Variants in SEMA3A observed in about 807,000 individuals in gnomAD.
The protein encoded by SEMA3A is semaphorin-3A.
Under a neutral mutation model 97.9 loss-of-function variants are expected in SEMA3A, and 29 were observed. The observed-to-expected ratio is 0.30, with a 90% CI of 0.22 to 0.40. SEMA3A has a LOEUF of 0.40. SEMA3A is among the 10% of genes least tolerant of loss of function. SEMA3A has a pLI of 1.00. For missense variants in SEMA3A, 763 were observed against 951.3 expected, an observed-to-expected ratio of 0.80 and a Z score of 2.60; for synonymous variants, 321 against 323.7, an observed-to-expected ratio of 0.99 and a Z score of 0.09.
chr7:83,985,486 G>A lies in SEMA3A; in HGVS notation c.1453-9C>T, dbSNP rs1584506626. ...GAAATAGCAGTCGGTTCCTAAAGGA[G>A]AAAAAGAAATATGTGAGGTGTTTGG... On this transcript the variant is annotated splice_polypyrimidine_tract_variant and intron_variant, in intron 12 of 16. Transcript: ENST00000265362. The A allele has an allele frequency of 1.7e-6, 2 of 1,165,762 alleles. No individual in the cohort carries two copies. The highest frequency in any genetic ancestry group is 2.5e-6 in the Non-Finnish European group (2 of 806,904). The allele number at this position is 1,165,762 out of a possible 1,614,324, so 72.2% of individuals were successfully genotyped here.
At chr7:84,482,945 C>T (rs923985698) in intron 1 of SEMA3A, among the ~76,000 whole-genome samples, 14 of 148,106 alleles carry the variant, frequency 9.5e-5, no homozygotes, top group African/African-American at 3.5e-4. Flanking sequence ...GTTTAATTAA[C>T]AAATCTAATC....
At chr7:83,980,734 T>A (rs1789381264) in intron 14 of SEMA3A, among the ~76,000 whole-genome samples, 1 of 150,784 alleles carries the variant, frequency 6.6e-6, no homozygotes, top group Non-Finnish European at 1.5e-5. Context: ...TTTTACTACA[T>A]GGTTTTATGT....
chr7:84,063,064 G>A (rs980431324), intron 4 of SEMA3A, among the ~76,000 whole-genome samples: 3 of 151,900 alleles, frequency 2.0e-5, no homozygotes, highest in Admixed American at 6.6e-5. Context: ...GCACGCCGCT[G>A]GAGATCTGAG....
chr7:84,116,809 C>A (rs1795447481), intron 3 of SEMA3A, among the ~76,000 whole-genome samples: 1 of 152,198 alleles, frequency 6.6e-6, no homozygotes, highest in Non-Finnish European at 1.5e-5. Context: ...ACTTGGACTT[C>A]TGGCCTCCAG....
At chr7:84,012,002 C>T (rs1320196396) in intron 7 of SEMA3A, among the ~76,000 whole-genome samples, 2 of 150,810 alleles carry the variant, frequency 1.3e-5, no homozygotes, top group East Asian at 1.9e-4. Flanking sequence ...ACAAATACCT[C>T]GTGACCTCAC....
chr7:84,452,233 G>A (rs1805573943), intron 1 of SEMA3A, among the ~76,000 whole-genome samples: 1 of 152,014 alleles, frequency 6.6e-6, no homozygotes, highest in Admixed American at 6.6e-5. Flanking sequence ...ATACTCAAAA[G>A]TTATTATTTT....
chr7:84,108,469 T>C (rs575691042), intron 4 of SEMA3A, among the ~76,000 whole-genome samples: 2 of 152,290 alleles, frequency 1.3e-5, no homozygotes, highest in African/African-American at 4.8e-5. Flanking sequence ...AGATTGTTTT[T>C]AGTTTGTGTT....
intron 3 of SEMA3A, among the ~76,000 whole-genome samples, chr7:84,260,050 C>T (rs2115655296): frequency 6.6e-6 from 1 of 152,186 alleles, no homozygotes; most frequent in South Asian, 2.1e-4. Context: ...GCATCTACAA[C>T]AAACAGAATG....
In SEMA3A at chr7:84,134,971, A is replaced by C. The variant is rs772945902; in HGVS notation, c.113-20T>G. 5 of 1,609,022 alleles carry C rather than the reference A, an allele frequency of 3.1e-6. No homozygotes were observed. The South Asian group carries it at 4.4e-5, about 14-fold the overall frequency. On this transcript the variant is annotated intron_variant, in intron 1 of 16. Transcript: ENST00000265362. ...ACATTTCTGCAAGGTAACAAAGCAA[A>C]ACATTGGGTATTAATGTGAAGCACT...
At chr7:84,310,461 T>C (rs1801285504) in intron 2 of SEMA3A, among the ~76,000 whole-genome samples, 1 of 152,000 alleles carries the variant, frequency 6.6e-6, no homozygotes, top group Admixed American at 6.6e-5. Context: ...CTAACAAGCA[T>C]AGTTTTCACT....
At chr7:84,169,054 A>G (rs2116195753) in intron 1 of SEMA3A, among the ~76,000 whole-genome samples, 1 of 151,860 alleles carries the variant, frequency 6.6e-6, no homozygotes, top group East Asian at 1.9e-4. Context: ...TTTATTTTTT[A>G]ACAATCTCAC....
chr7:84,422,272 C>T lies in SEMA3A; in HGVS notation c.-245-50372G>A, dbSNP rs186765648. ...AGGGTGTATGTGTCCAGGAATTTAT[C>T]CATTTATTCTAGATTTTCTAGTTTA... On this transcript the variant is annotated intron_variant, in intron 1 of 3. Transcript: ENST00000424555. Among the ~76,000 whole-genome samples, 533 of 151,678 alleles carry T rather than the reference C, an allele frequency of 3.5e-3. 4 individuals are homozygous for T. The highest frequency in any genetic ancestry group is 0.031 in the East Asian group (162 of 5,156).
intron 1 of SEMA3A, among the ~76,000 whole-genome samples, chr7:84,377,524 G>A (rs1454228356): frequency 1.3e-5 from 2 of 152,128 alleles, no homozygotes; most frequent in Non-Finnish European, 2.9e-5. Context: ...AAATTTTGAA[G>A]TCAGGTAGTG....
intron 3 of SEMA3A, among the ~76,000 whole-genome samples, chr7:84,268,308 G>A (rs1800061870): frequency 6.6e-6 from 1 of 150,422 alleles, no homozygotes; most frequent in Non-Finnish European, 1.5e-5. Context: ...GGTGCTCTGA[G>A]AGAGAGAACT....
At chr7:84,197,532 T>C (rs1798259647), upstream of SEMA3A, among the ~76,000 whole-genome samples, 1 of 152,088 alleles carries the variant, frequency 6.6e-6, no homozygotes, top group African/African-American at 2.4e-5. Flanking sequence ...CATTCGACTT[T>C]GCTCAGAGTT....
chr7:84,050,639 T>C (rs1366468270), intron 5 of SEMA3A, among the ~76,000 whole-genome samples: 1 of 152,052 alleles, frequency 6.6e-6, no homozygotes, highest in Non-Finnish European at 1.5e-5. Flanking sequence ...GTTGCGAAAA[T>C]TTTCTCCCAT....
intron 15 of SEMA3A, among the ~76,000 whole-genome samples, chr7:83,975,685 G>C (rs755216944): frequency 6.6e-6 from 1 of 152,052 alleles, no homozygotes; most frequent in Non-Finnish European, 1.5e-5. Flanking sequence ...AGTCTGATTG[G>C]TTCAGTTACA....
chr7:84,139,264 T>G (rs2116064260), intron 1 of SEMA3A, among the ~76,000 whole-genome samples: 1 of 152,198 alleles, frequency 6.6e-6, no homozygotes, highest in African/African-American at 2.4e-5. Context: ...ATGGTGAATC[T>G]GAATAGGCCA....
intron 4 of SEMA3A, among the ~76,000 whole-genome samples, chr7:84,065,845 G>T (rs934848323): frequency 1.3e-5 from 2 of 151,822 alleles, no homozygotes; most frequent in African/African-American, 4.9e-5. Flanking sequence ...AGAGGTACGA[G>T]GAGGAACTGG....
Sources: gnomAD v4.1 joint callset for allele counts (sites outside exome capture counted in the v4.1 genomes callset) on GRCh38, gnomAD v4.1.1 for gene constraint, MANE v1.5 for transcripts, NCBI Gene and HGNC (gene_info 2026-07-23, HGNC 2026-07-21) for gene names.